Variants in SNX8 observed in about 807,000 individuals in gnomAD.
SNX8 encodes sorting nexin 8.
In SNX8, 25 loss-of-function variants were observed where a neutral mutation model predicts 51.6. That is an observed-to-expected ratio of 0.48 (90% CI 0.35 to 0.68). SNX8 has a LOEUF of 0.68. SNX8 is among the 30% of genes least tolerant of loss of function. The probability of loss-of-function intolerance (pLI) is 0.00; values close to 1 mark genes in which losing one functional copy is unlikely to be tolerated. For synonymous variants in SNX8, 324 were observed against 277.0 expected, an observed-to-expected ratio of 1.17 and a Z score of -1.68; for missense variants, 695 against 624.0, an observed-to-expected ratio of 1.11 and a Z score of -1.21.
At chr7:2,327,673 C>T (rs1044855038) in intron 1 of SNX8, among the ~76,000 whole-genome samples, 2 of 151,150 alleles carry the variant, frequency 1.3e-5, no homozygotes, top group African/African-American at 4.9e-5. Context: ...TCCCAAAGTG[C>T]TGGGATTACA....
In SNX8 at chr7:2,346,015, C is replaced by T. The variant is rs541761486; in HGVS notation, c.-66+8207G>A. ...TAGAGACAGGGTTTCACCATGTTGG[C>T]CAGGCTGGTCTCGAACTCCTGACCT... On this transcript the variant is annotated intron_variant, in intron 1 of 5. Coordinates refer to the SNX8 transcript ENST00000435336. Among the ~76,000 whole-genome samples, 3 of 152,142 alleles carry T rather than the reference C, an allele frequency of 2.0e-5. No homozygotes were observed. In the South Asian group the frequency reaches 6.2e-4, roughly 32 times the overall value.
rs1427208769 is a variant in SNX8, at chr7:2,257,322, G to A, written c.1134+43C>T. The A allele has an allele frequency of 7.6e-6, 12 of 1,583,362 alleles. No homozygotes were observed. In the South Asian group the frequency reaches 1.2e-4, roughly 16 times the overall value. On this transcript the variant is annotated intron_variant, in intron 9 of 10. Coordinates refer to ENST00000222990, the MANE Select transcript of SNX8 (RefSeq NM_013321.4). ...CTCCGGGTCCCACCATGGCCGGGAG[G>A]GGAAAGGCTCCCACGGGCCTGCTCG...
At chr7:2,257,063 G>A (rs1443596550) in intron 9 of SNX8, 40 bp from the exon 10 acceptor site, 7 of 1,552,828 alleles carry the variant, frequency 4.5e-6, no homozygotes, top group South Asian at 1.2e-5. Flanking sequence ...CGGCCCAGCC[G>A]GCGACGGGAG....
upstream of SNX8, chr7:2,314,547 T>C (rs1391682522): frequency 9.3e-6 from 9 of 972,422 alleles, no homozygotes; most frequent in East Asian, 2.6e-4. Flanking sequence ...ACGCCCACAG[T>C]CCGCCCCTGC....
intron 1 of SNX8, among the ~76,000 whole-genome samples, chr7:2,343,336 T>C (rs1402790566): frequency 6.6e-6 from 1 of 152,086 alleles, no homozygotes; most frequent in East Asian, 1.9e-4. Flanking sequence ...GGAAAAAATA[T>C]TTTTAACATA....
intron 1 of SNX8, among the ~76,000 whole-genome samples, chr7:2,326,414 C>G (rs530076836): frequency 6.6e-6 from 1 of 151,882 alleles, no homozygotes; most frequent in Non-Finnish European, 1.5e-5. Context: ...GCCTGTAATC[C>G]CAGCACTTTG....
At chr7:2,290,411 C>T (rs764844811) in intron 1 of SNX8, among the ~76,000 whole-genome samples, 5 of 151,106 alleles carry the variant, frequency 3.3e-5, no homozygotes, top group African/African-American at 4.9e-5. Context: ...GGCTGAGGCA[C>T]GAGAATCTCT....
intron 1 of SNX8, among the ~76,000 whole-genome samples, chr7:2,303,122 C>CT (rs1330502950): frequency 6.7e-6 from 1 of 148,452 alleles, no homozygotes; most frequent in Non-Finnish European, 1.5e-5. Context: ...GTCAGCCCCC[C>CT]GCCCGGCCAG....
intron 1 of SNX8, among the ~76,000 whole-genome samples, chr7:2,326,257 T>C (rs4314559): frequency 0.38 from 56,983 of 151,940 alleles, 11,791 homozygotes; most frequent in African/African-American, 0.56. Flanking sequence ...CCTAGTTACT[T>C]GGGAGGCTGA....
chr7:2,305,513 G>A (rs930948881), intron 1 of SNX8, among the ~76,000 whole-genome samples: 9 of 151,788 alleles, frequency 5.9e-5, no homozygotes, highest in South Asian at 2.1e-4. Flanking sequence ...ACAGGCACCC[G>A]CCACCACACC....
chr7:2,285,977 C>T (rs1796018152), intron 1 of SNX8, among the ~76,000 whole-genome samples: 1 of 152,002 alleles, frequency 6.6e-6, no homozygotes, highest in Admixed American at 6.6e-5. Context: ...GCCATAGCAC[C>T]CAGCCTAGGT....
At chr7:2,346,137 T>C (rs911259581) in intron 1 of SNX8, among the ~76,000 whole-genome samples, 1 of 152,092 alleles carries the variant, frequency 6.6e-6, no homozygotes, top group Non-Finnish European at 1.5e-5. Flanking sequence ...GGGTCTACTA[T>C]AAATCAATAA....
At chr7:2,275,056 G>T in intron 3 of SNX8, 56 bp downstream of exon 3, 2 of 1,202,332 alleles carry the variant, frequency 1.7e-6, no homozygotes, top group Non-Finnish European at 2.5e-6. Flanking sequence ...GGACCACAGG[G>T]TCCAGGAGAT....
intron 1 of SNX8, among the ~76,000 whole-genome samples, chr7:2,294,312 C>T (rs1796223120): frequency 6.6e-6 from 1 of 151,796 alleles, no homozygotes; most frequent in South Asian, 2.1e-4. Flanking sequence ...AGATGCTCAA[C>T]CACAGTGAGA....
At chr7:2,276,241 C>G (rs1183360550) in intron 2 of SNX8, among the ~76,000 whole-genome samples, 1 of 152,206 alleles carries the variant, frequency 6.6e-6, no homozygotes, top group Non-Finnish European at 1.5e-5. Context: ...CCCAGGCTGC[C>G]AGGCCCCAGA....
chr7:2,285,462 A>T (rs1029452136), intron 1 of SNX8, among the ~76,000 whole-genome samples: 2 of 152,148 alleles, frequency 1.3e-5, no homozygotes, highest in Non-Finnish European at 2.9e-5. Context: ...ATGGAAGCAG[A>T]AGTTTCCTGA....
At chr7:2,268,351 C>T (rs1181394663) in intron 5 of SNX8, among the ~76,000 whole-genome samples, 1 of 144,336 alleles carries the variant, frequency 6.9e-6, no homozygotes, top group South Asian at 2.3e-4. Flanking sequence ...CCGGCAGCTG[C>T]CCTGTCTGAG....
At chr7:2,257,134 T>A (rs1795206052) in intron 9 of SNX8, 111 bp from the exon 10 acceptor site, 3 of 1,318,854 alleles carry the variant, frequency 2.3e-6, no homozygotes, top group Non-Finnish European at 3.0e-6. Flanking sequence ...CCTTCAGCCT[T>A]CACCAGGCAT....
chr7:2,312,604 G>T (rs1168400417), intron 1 of SNX8, among the ~76,000 whole-genome samples: 1 of 152,086 alleles, frequency 6.6e-6, no homozygotes, highest in Non-Finnish European at 1.5e-5. Context: ...CATCGAGGAT[G>T]CCCACCAAAT....
Sources: gnomAD v4.1 joint callset for allele counts (sites outside exome capture counted in the v4.1 genomes callset) on GRCh38, gnomAD v4.1.1 for gene constraint, MANE v1.5 for transcripts, NCBI Gene and HGNC (gene_info 2026-07-23, HGNC 2026-07-21) for gene names.